RPS6KA5: variants seen among roughly 807,000 people sequenced by gnomAD.
RPS6KA5 encodes ribosomal protein S6 kinase A5, also known as ribosomal protein S6 kinase alpha-5.
In RPS6KA5, 27 loss-of-function variants were observed where a neutral mutation model predicts 85.5. That is an observed-to-expected ratio of 0.32 (90% CI 0.23 to 0.44). The LOEUF (loss-of-function observed/expected upper bound fraction) is 0.44, where lower values mean the gene tolerates loss of function less well. Among genes scored for constraint, RPS6KA5 ranks in the 20% least tolerant of loss-of-function variants. RPS6KA5 has a pLI of 1.00. For missense variants in RPS6KA5, 811 were observed against 980.9 expected (o/e 0.83, Z 2.31); for synonymous variants, 334 against 348.2 (o/e 0.96, Z 0.46).
intron 1 of RPS6KA5, among the ~76,000 whole-genome samples, chr14:91,027,855 A>AC (rs1332833092): frequency 1.3e-5 from 2 of 152,214 alleles, no homozygotes; most frequent in Non-Finnish European, 2.9e-5. Context: ...ATTGGCAAGA[A>AC]CTGATCACCT....
intron 8 of RPS6KA5, 30 bp from the exon 9 acceptor site, chr14:90,902,999 A>C (rs781008588): frequency 6.3e-7 from 1 of 1,580,662 alleles, no homozygotes; most frequent in Non-Finnish European, 8.7e-7. Context: ...TACAAAGTAG[A>C]AATCAATAGT....
intron 1 of RPS6KA5, among the ~76,000 whole-genome samples, chr14:91,008,632 T>G (rs1010934450): frequency 6.6e-6 from 1 of 152,188 alleles, no homozygotes; most frequent in Non-Finnish European, 1.5e-5. Context: ...AAGGTATAAG[T>G]AGAAATAACT....
At chr14:91,029,904 A>T (rs1232264331) in intron 1 of RPS6KA5, among the ~76,000 whole-genome samples, 1 of 152,214 alleles carries the variant, frequency 6.6e-6, no homozygotes, top group Non-Finnish European at 1.5e-5. Context: ...ACCCCCAAAC[A>T]TAAAGGTAAA....
chr14:90,858,209 TCTGA>T lies in RPS6KA5; in HGVS notation c.*13861_*13864del, dbSNP rs1326325990. On this transcript the variant is annotated 3_prime_UTR_variant, in exon 17 of 17. Coordinates refer to ENST00000614987, the MANE Select transcript of RPS6KA5 (RefSeq NM_004755.4). ...ACACATTCTTTGAGGCTAAAGCAAA[TCTGA>T]CTGATTTTCAATGTGAAAATAAAAT... 6.6e-6 allele frequency: 1 copy of T among 152,048 alleles called. No individual in the cohort carries two copies. Among genetic ancestry groups the T allele is most frequent in the African/African-American group, 2.4e-5 (1 of 41,410 alleles). 9.4% of individuals were successfully genotyped at this position (152,048 alleles called of 1,614,324 possible). A position where few individuals can be genotyped will look rare whatever the true frequency, so the allele number is the denominator to read the frequency against.
At chr14:90,959,198 A>G (rs1014722012) in intron 3 of RPS6KA5, among the ~76,000 whole-genome samples, 4 of 152,218 alleles carry the variant, frequency 2.6e-5, no homozygotes, top group African/African-American at 9.7e-5. Context: ...CTGGAGCCGT[A>G]GTGTACATCA....
chr14:90,907,422 G>A (rs2035572021), intron 7 of RPS6KA5, among the ~76,000 whole-genome samples: 1 of 152,066 alleles, frequency 6.6e-6, no homozygotes, highest in Admixed American at 6.6e-5. Flanking sequence ...ACCTAAAATA[G>A]GTATTATGAT....
chr14:90,930,168 G>A (rs541087191), intron 5 of RPS6KA5, among the ~76,000 whole-genome samples: 4 of 152,260 alleles, frequency 2.6e-5, no homozygotes, highest in South Asian at 4.1e-4. Context: ...CACCACGCCC[G>A]GCCAGCCAGA....
chr14:90,918,771 A>T (rs1342310180), intron 7 of RPS6KA5, among the ~76,000 whole-genome samples: 1 of 152,208 alleles, frequency 6.6e-6, no homozygotes, highest in Non-Finnish European at 1.5e-5. Flanking sequence ...ATTCAAAACT[A>T]TCTTTACAGA....
At position 90,853,042 on chromosome 14, in the gene RPS6KA5, T is replaced by G. The variant is rs937616134; in HGVS notation, c.*19032A>C. 6.6e-6 allele frequency: 1 copy of G among 152,178 alleles called. No individual in the cohort carries two copies. Among genetic ancestry groups the G allele is most frequent in the Non-Finnish European group, 1.5e-5 (1 of 68,050 alleles). The allele number at this position is 152,178 out of a possible 1,614,324, so 9.4% of individuals were successfully genotyped here. Reference sequence around the variant, plus strand: ...CACCGTGCCCGGCCTGGGAGAAACATTTTTAAGTGTGCAAAGCAGTCACAA... The same window carrying G: ...CACCGTGCCCGGCCTGGGAGAAACAGTTTTAAGTGTGCAAAGCAGTCACAA... On this transcript the variant is annotated 3_prime_UTR_variant, in exon 17 of 17. Coordinates refer to ENST00000614987, the MANE Select transcript of RPS6KA5 (RefSeq NM_004755.4).
At chr14:90,906,410 C>CG in intron 7 of RPS6KA5, 111 bp from the exon 8 acceptor site, 1 of 802,770 alleles carries the variant, frequency 1.2e-6, no homozygotes, top group Non-Finnish European at 1.9e-6. Flanking sequence ...GATATAAATA[C>CG]TTAACATGAA....
rs765542744 is a variant in RPS6KA5 at position 90,863,520 on chromosome 14, G to A, written c.*8554C>T. Reference sequence around the variant, plus strand: ...AATGAAACTGTCATTATTTACAGACGATATAACTGTAGACTTAAAGAAATC... The same window carrying A: ...AATGAAACTGTCATTATTTACAGACAATATAACTGTAGACTTAAAGAAATC... On this transcript the variant is annotated 3_prime_UTR_variant, in exon 17 of 17. Transcript: ENST00000614987. The A allele has an allele frequency of 1.3e-5, 2 of 151,444 alleles. No individual in the cohort carries two copies. Among genetic ancestry groups the A allele is most frequent in the Non-Finnish European group, 2.9e-5 (2 of 67,854 alleles). The allele number at this position is 151,444 out of a possible 1,614,324, so 9.4% of individuals were successfully genotyped here. A position where few individuals can be genotyped will look rare whatever the true frequency, so the allele number is the denominator to read the frequency against.
intron 1 of RPS6KA5, among the ~76,000 whole-genome samples, chr14:91,049,555 C>T (rs1021157430): frequency 6.6e-6 from 1 of 152,132 alleles, no homozygotes; most frequent in African/African-American, 2.4e-5. Flanking sequence ...GCGGAGCTTG[C>T]CGTGAGCTGA....
At chr14:91,014,741 A>C (rs2041410196) in intron 1 of RPS6KA5, among the ~76,000 whole-genome samples, 1 of 152,124 alleles carries the variant, frequency 6.6e-6, no homozygotes, top group Non-Finnish European at 1.5e-5. Flanking sequence ...CTCTAAAAAA[A>C]TCCCTTATTT....
intron 3 of RPS6KA5, among the ~76,000 whole-genome samples, chr14:90,970,259 G>A (rs796095428): frequency 1.3e-5 from 2 of 152,124 alleles, no homozygotes; most frequent in Admixed American, 6.5e-5. Context: ...TTCAAAGCAA[G>A]GAAGTGTTTT....
At position 90,994,561 on chromosome 14, in the gene RPS6KA5, A is replaced by ATTTTTTTTTTTTT. The variant is rs935828871; in HGVS notation, c.175+6514_175+6526dup. On this transcript the variant is annotated intron_variant, in intron 2 of 16. Transcript: ENST00000614987. ...GTGCTTTGCTTCTTGGATGTTTGTGATTTTTTTTTTTTTTTTTTTTTTTTT... is the reference window on the plus strand; with the variant it reads ...GTGCTTTGCTTCTTGGATGTTTGTGATTTTTTTTTTTTTTTTTTTTTTTTTTTTTTTTTTTTTT... Among the ~76,000 whole-genome samples, 8 of 61,922 alleles carry ATTTTTTTTTTTTT rather than the reference A, an allele frequency of 1.3e-4. 1 individual carries two copies. Among genetic ancestry groups the ATTTTTTTTTTTTT allele is most frequent in the Non-Finnish European group, 2.3e-4 (7 of 30,714 alleles). The allele number at this position is 61,922 out of a possible 152,430, so 40.6% of individuals were successfully genotyped here.
At chr14:91,036,330 T>C (rs549947600) in intron 1 of RPS6KA5, among the ~76,000 whole-genome samples, 2 of 152,362 alleles carry the variant, frequency 1.3e-5, no homozygotes, top group South Asian at 4.1e-4. Context: ...GAGTATGTTT[T>C]GATTCAGTTG....
chr14:90,909,471 C>T (rs895320077), intron 7 of RPS6KA5, among the ~76,000 whole-genome samples: 20 of 152,178 alleles, frequency 1.3e-4, no homozygotes, highest in Non-Finnish European at 2.6e-4. Flanking sequence ...ATATAATAAT[C>T]CTATCAAAAG....
rs907667015 is a variant in RPS6KA5, at chr14:90,868,297, G to A, written c.*3777C>T. ...CCAAACTTCAAATTTCATTAGAGCC[G>A]GCTACATTTGTTTTAGTGCCAGATA... is the stretch of plus-strand genomic sequence containing the variant. On this transcript the variant is annotated 3_prime_UTR_variant, in exon 17 of 17. Transcript: ENST00000614987. 1.3e-5 allele frequency: 2 copies of A among 151,714 alleles called. No homozygotes were observed. The highest frequency in any genetic ancestry group is 2.9e-5 in the Non-Finnish European group (2 of 67,966). 9.4% of individuals were successfully genotyped at this position (151,714 alleles called of 1,614,324 possible).
At chr14:91,002,087 T>C (rs2040818486) in intron 1 of RPS6KA5, among the ~76,000 whole-genome samples, 1 of 152,238 alleles carries the variant, frequency 6.6e-6, no homozygotes, top group South Asian at 2.1e-4. Context: ...GTAGAAGTGG[T>C]TAAGAAAGGC....
Sources: allele counts gnomAD v4.1 joint callset (sites outside exome capture counted in the v4.1 genomes callset), GRCh38; gene constraint gnomAD v4.1.1; transcripts MANE v1.5; gene names NCBI Gene and HGNC (gene_info 2026-07-23, HGNC 2026-07-21).